Variants in RBFOX2 observed in about 807,000 individuals in gnomAD.
RBFOX2 encodes RNA binding protein fox-1 homolog 2.
Under a neutral mutation model 49.1 loss-of-function variants are expected in RBFOX2, and 10 were observed. The ratio of observed to expected loss-of-function variants is 0.20; its 90% CI spans 0.13 to 0.35. The LOEUF is 0.35. RBFOX2 is among the 10% of genes least tolerant of loss of function. RBFOX2 has a pLI of 1.00. For missense variants in RBFOX2, 323 were observed against 486.9 expected (o/e 0.66, Z 3.17); for synonymous variants, 183 against 187.4 (o/e 0.98, Z 0.19).
intron 1 of RBFOX2, among the ~76,000 whole-genome samples, chr22:35,900,195 C>A (rs747471626): frequency 7.9e-5 from 12 of 152,110 alleles, no homozygotes; most frequent in Non-Finnish European, 1.6e-4. Flanking sequence ...CTCACTGCAA[C>A]CTCCGCCTCC....
rs534290839 is a variant in RBFOX2 at position 35,874,749 on chromosome 22, C to T, written c.-34+64098G>A. ...GTAGCAAGTCTACCAAGGTGATTAA[C>T]ACACAGTAAATACTCAAATTATTTT... On this transcript the variant is annotated intron_variant, in intron 1 of 13. Transcript: ENST00000359369. Among the ~76,000 whole-genome samples, 132 of 152,320 alleles carry T rather than the reference C, an allele frequency of 8.7e-4. 1 individual carries two copies. The highest frequency in any genetic ancestry group is 3.5e-3 in the South Asian group (17 of 4,830).
chr22:35,960,029 C>T (rs2056026636), intron 1 of RBFOX2, among the ~76,000 whole-genome samples: 1 of 151,450 alleles, frequency 6.6e-6, no homozygotes, highest in Non-Finnish European at 1.5e-5. Context: ...TATTTTTTTT[C>T]TGAATTATTT....
At chr22:35,803,708 T>C (rs1950178973) in intron 2 of RBFOX2, among the ~76,000 whole-genome samples, 1 of 151,608 alleles carries the variant, frequency 6.6e-6, no homozygotes, top group Admixed American at 6.6e-5. Context: ...AAGAAAAATA[T>C]GAGAAGAAAT....
chr22:35,945,150 G>A (rs1052836448), intron 1 of RBFOX2, among the ~76,000 whole-genome samples: 1 of 152,086 alleles, frequency 6.6e-6, no homozygotes, highest in African/African-American at 2.4e-5. Context: ...TAATGGGTAC[G>A]AGCTCAGATT....
At chr22:35,909,000 G>A (rs569280769) in intron 1 of RBFOX2, among the ~76,000 whole-genome samples, 16 of 152,074 alleles carry the variant, frequency 1.1e-4, no homozygotes, top group Middle Eastern at 3.4e-3. Flanking sequence ...CCGCCACCAC[G>A]CCTGGCTAAT....
chr22:35,795,311 C>T (rs376085551), intron 2 of RBFOX2, among the ~76,000 whole-genome samples: 1 of 152,060 alleles, frequency 6.6e-6, no homozygotes, highest in South Asian at 2.1e-4. Flanking sequence ...CTCCGTAGTC[C>T]AAGACCTCTA....
At chr22:35,796,862 TGGA>T (rs1280059703) in intron 2 of RBFOX2, among the ~76,000 whole-genome samples, 4 of 152,170 alleles carry the variant, frequency 2.6e-5, no homozygotes, top group Non-Finnish European at 5.9e-5. Flanking sequence ...GAGCTCATAG[TGGA>T]GGACACAAAT....
At chr22:35,783,002 CTG>C (rs559680577) in intron 2 of RBFOX2, among the ~76,000 whole-genome samples, 4 of 152,154 alleles carry the variant, frequency 2.6e-5, no homozygotes, top group African/African-American at 4.8e-5. Flanking sequence ...TGCCTGCACT[CTG>C]TTATTTTCTA....
At chr22:35,958,976 T>C (rs1873640882) in intron 1 of RBFOX2, among the ~76,000 whole-genome samples, 1 of 151,560 alleles carries the variant, frequency 6.6e-6, no homozygotes, top group African/African-American at 2.4e-5. Context: ...TATATATATA[T>C]TGTGTAAAGC....
intron 1 of RBFOX2, among the ~76,000 whole-genome samples, chr22:35,893,408 A>C (rs540749020): frequency 6.6e-6 from 1 of 152,336 alleles, no homozygotes; most frequent in Admixed American, 6.5e-5. Context: ...TTCATCAAAC[A>C]TAAGTGAGTG....
chr22:35,964,236 A>C (rs2056428344), upstream of RBFOX2, among the ~76,000 whole-genome samples: 1 of 152,192 alleles, frequency 6.6e-6, no homozygotes, highest in Non-Finnish European at 1.5e-5. Context: ...GGTTGGAAAA[A>C]AACATCTAGA....
chr22:36,028,614 T>C (rs908838023), exon 1 of RBFOX2, among the ~76,000 whole-genome samples: 1 of 148,828 alleles, frequency 6.7e-6, no homozygotes, highest in Non-Finnish European at 1.5e-5. Context: ...GCCTGACCGC[T>C]TGCTCCCCGC....
rs1044261827 is a variant in RBFOX2 at position 35,749,466 on chromosome 22, AAATT to A, written c.888-2909_888-2906del. On this transcript the variant is annotated intron_variant, in intron 9 of 11. Coordinates refer to ENST00000405409, the Ensembl canonical transcript of RBFOX2. This position sits in a 1 kb window ranked among gnomAD's most constrained non-coding sequence, Gnocchi z 4.1. ...ACTAATGACTACTCCAAAAGTAGAAAAATTAATTGTGTATCATGGATGTATTCCT... is the reference window on the plus strand; with the variant it reads ...ACTAATGACTACTCCAAAAGTAGAAAAATTGTGTATCATGGATGTATTCCT... Among the ~76,000 whole-genome samples the A allele has an allele frequency of 1.3e-5, 2 of 152,150 alleles. No homozygotes were observed. The highest frequency in any genetic ancestry group is 2.9e-5 in the Non-Finnish European group (2 of 68,014).
intron 1 of RBFOX2, among the ~76,000 whole-genome samples, chr22:35,858,103 A>G (rs112734156): frequency 1.7e-3 from 266 of 152,352 alleles, no homozygotes; most frequent in African/African-American, 6.3e-3. Flanking sequence ...AAAGAATGGT[A>G]GCAAACCTGA....
At chr22:35,970,493 A>AC (rs1440703090) in intron 1 of RBFOX2, among the ~76,000 whole-genome samples, 5 of 145,846 alleles carry the variant, frequency 3.4e-5, no homozygotes, top group East Asian at 3.9e-4. Flanking sequence ...AAAAAAAAAA[A>AC]AACACACACA....
intron 1 of RBFOX2, among the ~76,000 whole-genome samples, chr22:35,889,606 T>A (rs1218250149): frequency 6.6e-6 from 1 of 152,174 alleles, no homozygotes; most frequent in Non-Finnish European, 1.5e-5. Flanking sequence ...TATGTAGGTA[T>A]CTTTTTAAAA....
chr22:35,868,589 T>A (rs556248984), intron 1 of RBFOX2, among the ~76,000 whole-genome samples: 5,073 of 147,080 alleles, frequency 0.034, 93 homozygotes, highest in South Asian at 0.08. Context: ...GTCTCTATTT[T>A]AAAAAAAAAA....
rs903929729 is a variant in RBFOX2, at chr22:35,953,069, G to A, written c.42+8494C>T. Among the ~76,000 whole-genome samples the A allele has an allele frequency of 2.6e-5, 4 of 151,976 alleles. No homozygotes were observed. The South Asian group carries it at 8.3e-4, about 32-fold the overall frequency. On this transcript the variant is annotated intron_variant, in intron 1 of 5. Coordinates refer to the RBFOX2 transcript ENST00000408983. ...TACTAAAAATACAAAAAATTAGCTG[G>A]GCCTGGTGGCGGGTGCCTGTAGTTC... is the stretch of plus-strand genomic sequence containing the variant.
At chr22:36,005,474 C>T (rs1445992140) in intron 1 of RBFOX2, among the ~76,000 whole-genome samples, 1 of 152,184 alleles carries the variant, frequency 6.6e-6, no homozygotes, top group Non-Finnish European at 1.5e-5. Flanking sequence ...TGCTAAATAC[C>T]CATCACTTGG....
Sources: allele counts gnomAD v4.1 joint callset (sites outside exome capture counted in the v4.1 genomes callset), GRCh38; gene constraint gnomAD v4.1.1; non-coding constraint Gnocchi (gnomAD v3.1); transcripts MANE v1.5; gene names NCBI Gene and HGNC (gene_info 2026-07-23, HGNC 2026-07-21).